Variants in GUCA1A observed in about 807,000 individuals in gnomAD.
GUCA1A encodes the protein guanylate cyclase activator 1A.
A neutral mutation model predicts 18.5 loss-of-function variants in GUCA1A; 14 were observed. The ratio of observed to expected loss-of-function variants is 0.76; its 90% confidence interval spans 0.50 to 1.18. GUCA1A has a LOEUF of 1.18. Among genes scored for constraint, GUCA1A ranks in the 50% most tolerant of loss-of-function variants. GUCA1A has a pLI of 0.00. For missense variants in GUCA1A, 264 were observed against 262.4 expected, an observed-to-expected ratio of 1.01 and a Z score of -0.04; for synonymous variants, 97 against 100.2, an observed-to-expected ratio of 0.97 and a Z score of 0.19.
In GUCA1A at chr6:42,173,519, G is replaced by A. The variant is rs533125887; in HGVS notation, c.-95G>A. The A allele has an allele frequency of 1.6e-4, 153 of 954,160 alleles. No individual in the cohort carries two copies. Among genetic ancestry groups the A allele is most frequent in the Non-Finnish European group, 2.4e-4 (144 of 592,372 alleles). 59.1% of individuals were successfully genotyped at this position (954,160 alleles called of 1,614,324 possible). A position where few individuals can be genotyped will look rare whatever the true frequency, so the allele number is the denominator to read the frequency against. On this transcript the variant is annotated 5_prime_UTR_variant, in exon 1 of 4. Coordinates refer to ENST00000372958, the MANE Select transcript of GUCA1A (RefSeq NM_001384910.1). ...GCCTGAAGGACTCAGGCCTGTGAGA[G>A]AGGACGGCCCCGTTGTCGGCCAAGA...
intron 2 of GUCA1A, 109 bp downstream of exon 2, chr6:42,178,538 A>C (rs1768023676): frequency 3.6e-6 from 4 of 1,122,818 alleles, no homozygotes; most frequent in Non-Finnish European, 5.4e-6. Flanking sequence ...TGTGGGACTG[A>C]GGATCCTGGT....
chr6:42,179,435 G>A lies in GUCA1A; in HGVS notation c.*32G>A, dbSNP rs537541519. On this transcript the variant is annotated 3_prime_UTR_variant, in exon 4 of 4. Coordinates refer to ENST00000372958, the MANE Select transcript of GUCA1A (RefSeq NM_001384910.1). ...CGCCCGGCTGCTTCTGCACTAGCGG[G>A]TGGGGTGGTATGGTGGTGCCTGTTG... 34 of 1,530,142 alleles carry A rather than the reference G, an allele frequency of 2.2e-5. No homozygotes were observed. In the African/African-American group the frequency reaches 3.8e-4, roughly 17 times the overall value. 94.8% of individuals were successfully genotyped at this position (1,530,142 alleles called of 1,614,324 possible). A position where few individuals can be genotyped will look rare whatever the true frequency, so the allele number is the denominator to read the frequency against.
rs1169193650 is a variant in GUCA1A at position 42,179,394 on chromosome 6, A to G, written c.597A>G (p.Ala199=). 1 of 1,595,924 alleles carries G rather than the reference A, an allele frequency of 6.3e-7. No individual in the cohort carries two copies. The highest frequency in any genetic ancestry group is 8.5e-7 in the Non-Finnish European group (1 of 1,169,688). ...DEEGADEAAE[A]AG ...AGGGGGCTGACGAGGCCGCTGAGGC[A>G]GCCGGCTGAGTGCACCGCCCGGCTG... The change falls in exon 4 of 4, where the codon GCA becomes GCG. Residue 199 remains alanine, a synonymous_variant. Coordinates refer to ENST00000372958, the MANE Select transcript of GUCA1A (RefSeq NM_001384910.1).
In GUCA1A at chr6:42,178,784, C is replaced by G; in HGVS notation, c.352-18C>G. 5 of 1,571,632 alleles carry G rather than the reference C, an allele frequency of 3.2e-6. No individual in the cohort carries two copies. Among genetic ancestry groups the G allele is most frequent in the Non-Finnish European group, 4.4e-6 (5 of 1,141,174 alleles). On this transcript the variant is annotated intron_variant, in intron 2 of 3. Coordinates refer to ENST00000372958, the MANE Select transcript of GUCA1A (RefSeq NM_001384910.1). ...TAAGGATGGGCCCCTCTCACTTCTGCCCCTTCTTCCCTCCCAGGCCATTCG... is the reference window on the plus strand; with the variant it reads ...TAAGGATGGGCCCCTCTCACTTCTGGCCCTTCTTCCCTCCCAGGCCATTCG...
Position 42,173,596 on chromosome 6 carries a change from C to G in GUCA1A, c.-18C>G. 6.2e-7 allele frequency: 1 copy of G among 1,606,954 alleles called. No individual in the cohort carries two copies. Among genetic ancestry groups the G allele is most frequent in the Non-Finnish European group, 8.5e-7 (1 of 1,174,176 alleles). On this transcript the variant is annotated 5_prime_UTR_variant, in exon 1 of 4. Coordinates refer to ENST00000372958, the MANE Select transcript of GUCA1A (RefSeq NM_001384910.1). ...GGGCCTGTCCATCTCAGACGTCAGC[C>G]CCCTGAAGGCCTGAGCAATGGGCAA...
In GUCA1A at chr6:42,173,646, G is replaced by A. The variant is rs978386812; in HGVS notation, c.33G>A (p.Glu11=). Residue 11 remains glutamate, a synonymous_variant, in exon 1 of 4, where the codon GAG becomes GAA. Transcript: ENST00000372958. MGNVMEGKSV[E]ELSSTECHQW... ...ACGTGATGGAGGGAAAGTCAGTGGAGGAGCTGAGCAGCACCGAGTGCCACC... is the reference window on the plus strand; with the variant it reads ...ACGTGATGGAGGGAAAGTCAGTGGAAGAGCTGAGCAGCACCGAGTGCCACC... The A allele has an allele frequency of 6.2e-7, 1 of 1,614,180 alleles. No homozygotes were observed.
chr6:42,179,802 G>T lies in GUCA1A; in HGVS notation c.*399G>T, dbSNP rs1768071003. On this transcript the variant is annotated 3_prime_UTR_variant, in exon 4 of 4. Coordinates refer to ENST00000372958, the MANE Select transcript of GUCA1A (RefSeq NM_001384910.1). ...TCCAGGCCTCTTATGGAATCCTGCAGATCCAGTGGCTGCAGCTTCAATCCC... is the reference window on the plus strand; with the variant it reads ...TCCAGGCCTCTTATGGAATCCTGCATATCCAGTGGCTGCAGCTTCAATCCC... The T allele has an allele frequency of 6.2e-6, 1 of 160,148 alleles. No homozygotes were observed. Among genetic ancestry groups the T allele is most frequent in the South Asian group, 2.0e-4 (1 of 5,006 alleles). The allele number at this position is 160,148 out of a possible 1,614,324, so 9.9% of individuals were successfully genotyped here. A position where few individuals can be genotyped will look rare whatever the true frequency, so the allele number is the denominator to read the frequency against.
rs752979055 is a variant in GUCA1A at position 42,178,315 on chromosome 6, G to C, written c.237G>C (p.Ala79=). 2 of 1,614,178 alleles carry C rather than the reference G, an allele frequency of 1.2e-6. No individual in the cohort carries two copies. Among genetic ancestry groups the C allele is most frequent in the East Asian group, 4.5e-5 (2 of 44,884 alleles). ...TTGATTTCATGGAGTACGTGGCAGC[G>C]CTCAGCTTGGTCCTCAAGGGGAAGG... ...GYIDFMEYVA[A]LSLVLKGKVE... Residue 79 remains alanine (A), a synonymous_variant, in exon 2 of 4, where the codon GCG becomes GCC. Coordinates refer to ENST00000372958, the MANE Select transcript of GUCA1A (RefSeq NM_001384910.1).
intron 2 of GUCA1A, 25 bp downstream of exon 2, chr6:42,178,454 G>T (rs1180693208): frequency 1.1e-5 from 17 of 1,607,864 alleles, no homozygotes; most frequent in Non-Finnish European, 1.4e-5. Flanking sequence ...GCCAGGGCTG[G>T]GGGCAGCGGT....
At chr6:42,174,951 C>T (rs768952998) in intron 1 of GUCA1A, among the ~76,000 whole-genome samples, 3 of 152,228 alleles carry the variant, frequency 2.0e-5, no homozygotes, top group Admixed American at 6.5e-5. Flanking sequence ...CTATTTAAAA[C>T]TCACTAATAT....
Position 42,179,377 on chromosome 6 carries a change from G to A in GUCA1A, c.580G>A (p.Asp194Asn), listed in dbSNP as rs1458417559. The A allele has an allele frequency of 1.2e-6, 2 of 1,606,598 alleles. No homozygotes were observed. Among genetic ancestry groups the A allele is most frequent in the African/African-American group, 2.7e-5 (2 of 74,902 alleles). ...TGGCGAGCAAGACGAGGAGGGGGCT[G>A]ACGAGGCCGCTGAGGCAGCCGGCTG... is the stretch of plus-strand genomic sequence containing the variant. ...QNGEQDEEGA[D>N]EAAEAAG The change falls in exon 4 of 4, where the codon GAC (aspartate) becomes AAC (asparagine). Residue 194 changes from aspartate to asparagine, a missense_variant. Transcript: ENST00000372958.
chr6:42,174,182 C>T (rs974016277), intron 1 of GUCA1A, among the ~76,000 whole-genome samples: 3 of 152,220 alleles, frequency 2.0e-5, no homozygotes, highest in South Asian at 2.1e-4. Context: ...TACTCCAAAA[C>T]GAGTGTAAAC....
chr6:42,174,487 G>A (rs1415550536), intron 1 of GUCA1A, among the ~76,000 whole-genome samples: 4 of 152,188 alleles, frequency 2.6e-5, no homozygotes, highest in Non-Finnish European at 4.4e-5. Context: ...GGTCCACACC[G>A]TGGTCAAATT....
At chr6:42,175,590 C>G (rs1313722907) in intron 1 of GUCA1A, among the ~76,000 whole-genome samples, 3 of 152,066 alleles carry the variant, frequency 2.0e-5, no homozygotes, top group African/African-American at 4.8e-5. Flanking sequence ...GTCTCAAACT[C>G]TTGACCTCAG....
intron 1 of GUCA1A, among the ~76,000 whole-genome samples, chr6:42,175,796 C>T (rs1400492345): frequency 6.6e-6 from 1 of 152,184 alleles, no homozygotes; most frequent in Non-Finnish European, 1.5e-5. Flanking sequence ...TCCACACACA[C>T]CCCCGCCTTA....
chr6:42,174,551 A>G (rs1211509164), intron 1 of GUCA1A, among the ~76,000 whole-genome samples: 1 of 152,202 alleles, frequency 6.6e-6, no homozygotes, highest in Non-Finnish European at 1.5e-5. Flanking sequence ...CTAATTGATA[A>G]GCTAGAGGGG....
chr6:42,173,898 G>A, intron 1 of GUCA1A, 84 bp downstream of exon 1: 1 of 1,010,788 alleles, frequency 9.9e-7, no homozygotes, highest in Non-Finnish European at 1.6e-6. Context: ...AGGAAGAGCA[G>A]AGAGGAGCAT....
At chr6:42,177,542 T>C (rs993591310) in intron 1 of GUCA1A, among the ~76,000 whole-genome samples, 2 of 151,766 alleles carry the variant, frequency 1.3e-5, no homozygotes, top group Non-Finnish European at 2.9e-5. Flanking sequence ...TTGCCCCTTT[T>C]TAGACATTAA....
At chr6:42,173,848 G>A in intron 1 of GUCA1A, 34 bp downstream of exon 1, 1 of 1,529,260 alleles carries the variant, frequency 6.5e-7, no homozygotes, top group Non-Finnish European at 9.1e-7. Context: ...GAGGGGAAGT[G>A]CTGGAGGGAC....
Sources: allele counts gnomAD v4.1 joint callset (sites outside exome capture counted in the v4.1 genomes callset), GRCh38; gene constraint gnomAD v4.1.1; transcripts MANE v1.5; gene names NCBI Gene and HGNC (gene_info 2026-07-23, HGNC 2026-07-21).